Variants in ABHD2 observed in about 807,000 individuals in gnomAD.
The protein encoded by ABHD2 is abhydrolase domain containing 2, acylglycerol lipase, also known as monoacylglycerol lipase ABHD2.
Under a neutral mutation model 48.1 loss-of-function variants are expected in ABHD2, and 20 were observed. The observed-to-expected ratio is 0.42, with a 90% CI of 0.29 to 0.60. The LOEUF (loss-of-function observed/expected upper bound fraction) is 0.60. Ranked by LOEUF, ABHD2 falls within the 20% of genes least tolerant of loss-of-function variation. The probability of loss-of-function intolerance (pLI) is 0.24; values close to 1 mark genes in which losing one functional copy is unlikely to be tolerated. For synonymous variants in ABHD2, 209 were observed against 214.2 expected, an observed-to-expected ratio of 0.98 and a Z score of 0.21; for missense variants, 405 against 550.9, an observed-to-expected ratio of 0.74 and a Z score of 2.65.
the ABHD2 span, among the ~76,000 whole-genome samples, chr15:89,078,416 A>G: frequency 6.6e-6 from 1 of 152,216 alleles, no homozygotes; most frequent in Non-Finnish European, 1.5e-5. Context: ...AAGCTTGGAA[A>G]CTGAGTCACA....
rs948598861 is a variant in ABHD2, at chr15:89,104,581, G to A, written c.-106-9144G>A. Among the ~76,000 whole-genome samples, 1 of 152,166 alleles carries A rather than the reference G, an allele frequency of 6.6e-6. No homozygotes were observed. Among genetic ancestry groups the A allele is most frequent in the Non-Finnish European group, 1.5e-5 (1 of 68,038 alleles). ...TTGGGAAACCAGAACGCTCAGGAAC[G>A]GTGAGTCCCAGTTATTTTTATTTTC... On this transcript the variant is annotated intron_variant, in intron 1 of 10. Transcript: ENST00000352732. The surrounding 1 kb of genome is among the most constrained non-coding windows in gnomAD (Gnocchi z 4.4).
Position 89,168,856 on chromosome 15 carries a change from C to A in ABHD2, c.539-6956C>A, listed in dbSNP as rs995634821. Among the ~76,000 whole-genome samples the A allele has an allele frequency of 6.6e-6, 1 of 152,140 alleles. No individual in the cohort carries two copies. Among genetic ancestry groups the A allele is most frequent in the Non-Finnish European group, 1.5e-5 (1 of 68,034 alleles). On this transcript the variant is annotated intron_variant, in intron 5 of 10. Transcript: ENST00000352732. The surrounding 1 kb of genome is among the most constrained non-coding windows in gnomAD (Gnocchi z 4.8). ...GGAAAGGAAGCCAAGGTGGGCAGAC[C>A]TCTTGAGCTCAGAAGTTCGAGACCA...
the ABHD2 span, among the ~76,000 whole-genome samples, chr15:89,071,578 C>G: frequency 2.0e-5 from 3 of 152,318 alleles, no homozygotes; most frequent in East Asian, 5.8e-4. Flanking sequence ...CAACCTTCAC[C>G]TGGTAACCTG....
At chr15:89,138,458 C>G (rs767504374) in intron 3 of ABHD2, among the ~76,000 whole-genome samples, 1 of 152,178 alleles carries the variant, frequency 6.6e-6, no homozygotes, top group Non-Finnish European at 1.5e-5. Flanking sequence ...TCTCCTGGAT[C>G]TTTGGGGAGA....
intron 3 of ABHD2, among the ~76,000 whole-genome samples, chr15:89,117,095 G>A (rs1375822770): frequency 6.6e-6 from 1 of 152,036 alleles, no homozygotes; most frequent in Non-Finnish European, 1.5e-5. Context: ...GCATGATCTC[G>A]ACTCACTGCA....
At chr15:89,051,562 G>A in the ABHD2 span, among the ~76,000 whole-genome samples, 958 of 152,282 alleles carry the variant, frequency 6.3e-3, 36 homozygotes, top group Admixed American at 0.054. Context: ...ATCTTGAATT[G>A]TAGCTCCCAC....
At chr15:89,049,722 A>G in the ABHD2 span, among the ~76,000 whole-genome samples, 149,031 of 152,350 alleles carry the variant, frequency 0.98, 73,017 homozygotes, top group African/African-American at 1. Context: ...CTTCCCAAGT[A>G]AGGCAATGCC....
At chr15:89,135,625 T>C (rs897883925) in intron 3 of ABHD2, 60 of 1,550,224 alleles carry the variant, frequency 3.9e-5, no homozygotes, top group Non-Finnish European at 5.1e-5. Context: ...CTTCTTTTTC[T>C]TGCTTTTTTC....
chr15:89,123,313 G>A (rs1278017485), intron 3 of ABHD2, among the ~76,000 whole-genome samples: 2 of 152,120 alleles, frequency 1.3e-5, no homozygotes, highest in Admixed American at 6.5e-5. Flanking sequence ...TTCACTCACC[G>A]GAGTACAAGC....
intron 6 of ABHD2, chr15:89,183,382 A>ATATAGATATATATAT (rs57264552): frequency 1.8e-5 from 1 of 55,568 alleles, no homozygotes; most frequent in African/African-American, 1.0e-4. Flanking sequence ...AAAAAAAAAA[A>ATATAGATATATATAT]AAATATATAT....
intron 5 of ABHD2, among the ~76,000 whole-genome samples, chr15:89,158,896 T>G (rs1327460211): frequency 1.3e-5 from 2 of 151,660 alleles, no homozygotes; most frequent in African/African-American, 4.8e-5. Context: ...ACTCCTGAGC[T>G]CAAGTGATCC....
Position 89,188,224 on chromosome 15 carries a change from C to G in ABHD2, c.847C>G (p.Pro283Ala), listed in dbSNP as rs368935537. The G allele has an allele frequency of 1.9e-6, 3 of 1,614,078 alleles. No homozygotes were observed. The highest frequency in any genetic ancestry group is 2.5e-6 in the Non-Finnish European group (3 of 1,180,032). ...TCTTTTTGGAGACCATGTTAAGAAA[C>G]CCCAGAGCCTGGAAGACACGGACTT... ...QALFGDHVKK[P>A]QSLEDTDLSR... The change falls in exon 8 of 11, where the codon CCC becomes GCC. Residue 283 changes from proline (P) to alanine (A), a missense_variant. Coordinates refer to ENST00000352732, the MANE Select transcript of ABHD2 (RefSeq NM_152924.5). This position sits in a 1 kb window ranked among gnomAD's most constrained non-coding sequence, Gnocchi z 4.1.
intron 4 of ABHD2, among the ~76,000 whole-genome samples, chr15:89,154,940 AACACC>A (rs1214023705): frequency 2.6e-5 from 4 of 152,232 alleles, no homozygotes; most frequent in Non-Finnish European, 5.9e-5. Context: ...GGTCTGTGCA[AACACC>A]ACTTTTTATC....
chr15:89,148,118 C>CAAAAAAAAAAAAAA (rs10711138), intron 3 of ABHD2, among the ~76,000 whole-genome samples: 1 of 69,578 alleles, frequency 1.4e-5, no homozygotes, highest in Non-Finnish European at 2.8e-5. Flanking sequence ...GACTCCGTCT[C>CAAAAAAAAAAAAAA]AAAAAAAAAA....
At chr15:89,194,701 A>C (rs28407294) in intron 10 of ABHD2, among the ~76,000 whole-genome samples, 1 of 152,164 alleles carries the variant, frequency 6.6e-6, no homozygotes, top group Non-Finnish European at 1.5e-5. Context: ...GGAACTTTTT[A>C]AAAATGCAGA....
Position 89,173,828 on chromosome 15 carries a change from C to G in ABHD2, c.539-1984C>G, listed in dbSNP as rs2050967647. ...GAAAAATAAGCAGCTTGATCCTCTA[C>G]TATCTCACTGGAGAGGGAGACGGGC... On this transcript the variant is annotated intron_variant, in intron 5 of 10. Coordinates refer to ENST00000352732, the MANE Select transcript of ABHD2 (RefSeq NM_152924.5). The surrounding 1 kb of genome is among the most constrained non-coding windows in gnomAD (Gnocchi z 6.5). Among the ~76,000 whole-genome samples the G allele has an allele frequency of 6.6e-6, 1 of 152,196 alleles. No individual in the cohort carries two copies. The highest frequency in any genetic ancestry group is 2.4e-5 in the African/African-American group (1 of 41,440).
intron 1 of ABHD2, among the ~76,000 whole-genome samples, chr15:89,090,566 A>G (rs1483864048): frequency 6.8e-6 from 1 of 146,324 alleles, no homozygotes; most frequent in Non-Finnish European, 1.5e-5. Flanking sequence ...GTCACGTTGC[A>G]TTTTATACCT....
rs1302841700 is a variant in ABHD2, at chr15:89,094,908, C to A, written c.-107+6345C>A. Among the ~76,000 whole-genome samples, 1 of 151,002 alleles carries A rather than the reference C, an allele frequency of 6.6e-6. No individual in the cohort carries two copies. Among genetic ancestry groups the A allele is most frequent in the Non-Finnish European group, 1.5e-5 (1 of 67,748 alleles). On this transcript the variant is annotated intron_variant, in intron 1 of 10. Coordinates refer to ENST00000352732, the MANE Select transcript of ABHD2 (RefSeq NM_152924.5). The surrounding 1 kb of genome is among the most constrained non-coding windows in gnomAD (Gnocchi z 4.7). ...TGAAACCCCATATCCACTAAAAATA[C>A]AAAATATTAGCCGGGCATGGTGGTT...
intron 5 of ABHD2, among the ~76,000 whole-genome samples, chr15:89,171,359 T>C (rs1281755884): frequency 1.3e-5 from 2 of 152,098 alleles, no homozygotes; most frequent in African/African-American, 4.8e-5. Flanking sequence ...TTTGAACCAG[T>C]TCCCAGGCAA....
Sources: gnomAD v4.1 joint callset for allele counts (sites outside exome capture counted in the v4.1 genomes callset) on GRCh38, gnomAD v4.1.1 for gene constraint, Gnocchi (gnomAD v3.1) non-coding constraint, MANE v1.5 for transcripts, NCBI Gene and HGNC (gene_info 2026-07-23, HGNC 2026-07-21) for gene names.